Variants in SMIM33 observed in about 807,000 individuals in gnomAD.
The protein encoded by SMIM33 is small integral membrane protein 33.
chr5:139,471,668 CA>C (rs1751538374), intron 1 of SMIM33, among the ~76,000 whole-genome samples: 1 of 152,084 alleles, frequency 6.6e-6, no homozygotes, highest in Non-Finnish European at 1.5e-5. Flanking sequence ...GGTAGAAGAA[CA>C]CTGGGACTTG....
Position 139,472,919 on chromosome 5 carries a change from T to A in SMIM33, c.397T>A (p.Ter133LysextTer9), listed in dbSNP as rs540768612. 3 of 400,790 alleles carry A rather than the reference T, an allele frequency of 7.5e-6. No individual in the cohort carries two copies. In the East Asian group the frequency reaches 1.1e-4, roughly 14 times the overall value. The allele number at this position is 400,790 out of a possible 1,614,324, so 24.8% of individuals were successfully genotyped here. A position where few individuals can be genotyped will look rare whatever the true frequency, so the allele number is the denominator to read the frequency against. Residue 133 changes from the stop codon to lysine (K), a stop_lost, in exon 2 of 2, where the codon TAG becomes AAG. Transcript: ENST00000637503. The part of the protein sequence containing the change: ...RPSIDEVTCL[*>K] ...CAGCATCGATGAAGTCACTTGTCTG[T>A]AGGAGGGAGACTTTGGAGAGTTAGC...
chr5:139,472,474 G>A, intron 1 of SMIM33, 58 bp from the exon 2 acceptor site: 1 of 400,062 alleles, frequency 2.5e-6, no homozygotes, highest in Non-Finnish European at 4.4e-6. Flanking sequence ...TTCTATTTTG[G>A]TCTTTTTCTG....
intron 1 of SMIM33, among the ~76,000 whole-genome samples, chr5:139,472,116 C>T (rs1391199885): frequency 6.6e-6 from 1 of 152,160 alleles, no homozygotes; most frequent in Non-Finnish European, 1.5e-5. Context: ...ACTTGGGGGG[C>T]CAAACTGTAT....
chr5:139,472,930 C>A lies in SMIM33; in HGVS notation c.*9C>A. 2.5e-6 allele frequency: 1 copy of A among 400,706 alleles called. No homozygotes were observed. The highest frequency in any genetic ancestry group is 4.4e-6 in the Non-Finnish European group (1 of 226,272). 24.8% of individuals were successfully genotyped at this position (400,706 alleles called of 1,614,324 possible). A position where few individuals can be genotyped will look rare whatever the true frequency, so the allele number is the denominator to read the frequency against. The stretch of plus-strand genomic sequence containing the variant: ...AAGTCACTTGTCTGTAGGAGGGAGA[C>A]TTTGGAGAGTTAGCCTGACCTAGCT... On this transcript the variant is annotated 3_prime_UTR_variant, in exon 2 of 2. Transcript: ENST00000637503.
chr5:139,471,419 G>A (rs1006699891), intron 1 of SMIM33, among the ~76,000 whole-genome samples: 1 of 152,138 alleles, frequency 6.6e-6, no homozygotes, highest in Non-Finnish European at 1.5e-5. Context: ...CTACCCATGG[G>A]GAGGGCCATG....
rs1395909716 is a variant in SMIM33 at position 139,472,876 on chromosome 5, G to A, written c.354G>A (p.Ala118=). 1.2e-5 allele frequency: 5 copies of A among 400,822 alleles called. No individual in the cohort carries two copies. The highest frequency in any genetic ancestry group is 1.3e-5 in the Non-Finnish European group (3 of 226,320). The allele number at this position is 400,822 out of a possible 1,614,324, so 24.8% of individuals were successfully genotyped here. Residue 118 remains alanine (A), a synonymous_variant, in exon 2 of 2, where the codon GCG becomes GCA. Coordinates refer to ENST00000637503, the MANE Select transcript of SMIM33 (RefSeq NM_001365197.1). ...PGPLVPGSCP[A]PDGPRPSIDE... is the part of the protein sequence containing the mutation. ...CTCTTGTCCCTGGCTCCTGCCCTGC[G>A]CCAGATGGACCCAGGCCCAGCATCG...
At position 139,472,789 on chromosome 5, in the gene SMIM33, C is replaced by G; in HGVS notation, c.267C>G (p.Ile89Met). 2.5e-6 allele frequency: 1 copy of G among 400,954 alleles called. No individual in the cohort carries two copies. Among genetic ancestry groups the G allele is most frequent in the Non-Finnish European group, 4.4e-6 (1 of 226,348 alleles). The allele number at this position is 400,954 out of a possible 1,614,324, so 24.8% of individuals were successfully genotyped here. Residue 89 changes from isoleucine to methionine, a missense_variant, in exon 2 of 2, where the codon ATC (isoleucine) becomes ATG (methionine). Coordinates refer to ENST00000637503, the MANE Select transcript of SMIM33 (RefSeq NM_001365197.1). The part of the protein sequence containing the change: ...EPPTPKPDGG[I>M]YLIHWRVLGP... ...CGACCCCAAAGCCAGATGGTGGCAT[C>G]TACCTCATCCACTGGCGGGTGCTGG...
rs1210361189 is a variant in SMIM33 at position 139,473,089 on chromosome 5, A to G, written c.*168A>G. On this transcript the variant is annotated 3_prime_UTR_variant, in exon 2 of 2. Coordinates refer to ENST00000637503, the MANE Select transcript of SMIM33 (RefSeq NM_001365197.1). Reference sequence around the variant, plus strand: ...TTATAGAGAGAGCCCTGTGGTGGGCAAGAGAAATCAAAACTTGAGGGCCCT... The same window carrying G: ...TTATAGAGAGAGCCCTGTGGTGGGCGAGAGAAATCAAAACTTGAGGGCCCT... 3 of 395,666 alleles carry G rather than the reference A, an allele frequency of 7.6e-6. No individual in the cohort carries two copies. The highest frequency in any genetic ancestry group is 1.3e-5 in the Non-Finnish European group (3 of 224,878). The allele number at this position is 395,666 out of a possible 1,614,324, so 24.5% of individuals were successfully genotyped here.
chr5:139,471,853 C>T (rs1216077906), intron 1 of SMIM33, among the ~76,000 whole-genome samples: 5 of 152,134 alleles, frequency 3.3e-5, no homozygotes, highest in Admixed American at 6.5e-5. Context: ...TTCACATCCC[C>T]TCTACCTCTA....
chr5:139,471,293 G>C (rs779850183), intron 1 of SMIM33, among the ~76,000 whole-genome samples, 163 bp downstream of exon 1: 1 of 152,228 alleles, frequency 6.6e-6, no homozygotes, highest in Admixed American at 6.5e-5. Flanking sequence ...ACACTTGCAA[G>C]GTAGGGTGGG....
chr5:139,471,921 T>C (rs1332739630), intron 1 of SMIM33, among the ~76,000 whole-genome samples: 1 of 151,928 alleles, frequency 6.6e-6, no homozygotes, highest in Non-Finnish European at 1.5e-5. Flanking sequence ...GAGTGGGGAG[T>C]AAGGGGAGCC....
intron 1 of SMIM33, among the ~76,000 whole-genome samples, chr5:139,471,537 G>C (rs984223516): frequency 1.3e-5 from 2 of 152,076 alleles, no homozygotes; most frequent in African/African-American, 4.8e-5. Context: ...GGCCTGTGAG[G>C]ACCTCAGCTC....
At chr5:139,471,881 G>T (rs943020565) in intron 1 of SMIM33, among the ~76,000 whole-genome samples, 3 of 152,104 alleles carry the variant, frequency 2.0e-5, no homozygotes, top group East Asian at 3.9e-4. Flanking sequence ...CTCTCCCGCC[G>T]CCAGGGCACC....
chr5:139,472,429 C>T (rs1334442434), intron 1 of SMIM33, 103 bp from the exon 2 acceptor site: 2 of 282,492 alleles, frequency 7.1e-6, no homozygotes, highest in African/African-American at 4.4e-5. Context: ...CCGCCCTCAA[C>T]CCCCCGCCTC....
chr5:139,473,000 A>G lies in SMIM33; in HGVS notation c.*79A>G, dbSNP rs1175954506. 1.0e-5 allele frequency: 4 copies of G among 398,272 alleles called. No homozygotes were observed. The highest frequency in any genetic ancestry group is 1.8e-5 in the Non-Finnish European group (4 of 226,286). 24.7% of individuals were successfully genotyped at this position (398,272 alleles called of 1,614,324 possible). ...GAGAACTAGGGCAAAAGCAAATTGG[A>G]GCCTGGGCATCAGAGCGTCGGAAGG... On this transcript the variant is annotated 3_prime_UTR_variant, in exon 2 of 2. Coordinates refer to ENST00000637503, the MANE Select transcript of SMIM33 (RefSeq NM_001365197.1).
At chr5:139,471,624 C>T (rs1187537505) in intron 1 of SMIM33, among the ~76,000 whole-genome samples, 1 of 152,138 alleles carries the variant, frequency 6.6e-6, no homozygotes, top group Non-Finnish European at 1.5e-5. Context: ...AGGGTGGAGT[C>T]AGACAGGGGT....
At position 139,472,764 on chromosome 5, in the gene SMIM33, C is replaced by T. The variant is rs769771339; in HGVS notation, c.242C>T (p.Pro81Leu). ...QGHATLPTEP[P>L]TPKPDGGIYL... ...CATGCCACTCTCCCTACAGAGCCAC[C>T]GACCCCAAAGCCAGATGGTGGCATC... The change falls in exon 2 of 2, where the codon CCG becomes CTG. Residue 81 changes from proline to leucine, a missense_variant. Physicochemically the swap from Pro to Leu is moderately conservative, Grantham distance 98 (BLOSUM62 -3). Coordinates refer to ENST00000637503, the MANE Select transcript of SMIM33 (RefSeq NM_001365197.1). 10 of 400,794 alleles carry T rather than the reference C, an allele frequency of 2.5e-5. No homozygotes were observed. Among genetic ancestry groups the T allele is most frequent in the East Asian group, 7.1e-5 (2 of 28,102 alleles). The allele number at this position is 400,794 out of a possible 1,614,324, so 24.8% of individuals were successfully genotyped here.
chr5:139,473,202 T>C lies in SMIM33; in HGVS notation c.*281T>C. 1 of 318,570 alleles carries C rather than the reference T, an allele frequency of 3.1e-6. No homozygotes were observed. The highest frequency in any genetic ancestry group is 5.7e-6 in the Non-Finnish European group (1 of 175,654). 19.7% of individuals were successfully genotyped at this position (318,570 alleles called of 1,614,324 possible). A position where few individuals can be genotyped will look rare whatever the true frequency, so the allele number is the denominator to read the frequency against. On this transcript the variant is annotated 3_prime_UTR_variant, in exon 2 of 2. Transcript: ENST00000637503. ...TCCTCTTCAGGGACCACCAGACCCC[T>C]GAATCTCCTTTTCTGAGTCTCTGCC...
rs1411537463 is a variant in SMIM33 at position 139,473,579 on chromosome 5, TG to T, written c.*661del. 1 of 152,294 alleles carries T rather than the reference TG, an allele frequency of 6.6e-6. No homozygotes were observed. Among genetic ancestry groups the T allele is most frequent in the Non-Finnish European group, 1.5e-5 (1 of 68,078 alleles). 9.4% of individuals were successfully genotyped at this position (152,294 alleles called of 1,614,324 possible). A position where few individuals can be genotyped will look rare whatever the true frequency, so the allele number is the denominator to read the frequency against. The stretch of plus-strand genomic sequence containing the variant: ...CCTCTCCAGAAGGGATGGGGGAATT[TG>T]GGAGCCTCTCATTGCCTCCCACTTT... On this transcript the variant is annotated 3_prime_UTR_variant, in exon 2 of 2. Coordinates refer to ENST00000637503, the MANE Select transcript of SMIM33 (RefSeq NM_001365197.1).
Sources: gnomAD v4.1 joint callset for allele counts (sites outside exome capture counted in the v4.1 genomes callset) on GRCh38, gnomAD v4.1.1 for gene constraint, MANE v1.5 for transcripts, NCBI Gene and HGNC (gene_info 2026-07-23, HGNC 2026-07-21) for gene names.